The following CHEK1 variants were observed in gnomAD, a reference collection of about 807,000 sequenced individuals.
CHEK1 encodes checkpoint kinase 1.
Under a neutral mutation model 60.2 loss-of-function variants are expected in CHEK1, and 32 were observed. That is an observed-to-expected ratio of 0.53 (90% CI 0.40 to 0.71). The LOEUF (loss-of-function observed/expected upper bound fraction) is 0.71. Ranked by LOEUF, CHEK1 falls within the 30% of genes least tolerant of loss-of-function variation. The pLI is 0.00. For synonymous variants in CHEK1, 179 were observed against 187.2 expected (o/e 0.96, Z 0.36); for missense variants, 399 against 564.6 (o/e 0.71, Z 2.97).
In CHEK1 at chr11:125,629,270, T is replaced by G; in HGVS notation, c.328T>G (p.Phe110Val). Residue 110 changes from phenylalanine to valine, a missense_variant, in exon 4 of 13, where the codon TTC (phenylalanine) becomes GTC (valine). Around this residue, in one of 2 missense-constraint regions of CHEK1, gnomAD observed 370 missense variants for 494.8 expected, o/e 0.75. Transcript: ENST00000438015. ...IGMPEPDAQRFFHQLMAGVVY... is the reference protein window; with the variant it reads ...IGMPEPDAQRVFHQLMAGVVY... ...CATGCCTGAACCAGATGCTCAGAGA[T>G]TCTTCCATCAACTCATGGCAGGGGT... 1 of 1,614,160 alleles carries G rather than the reference T, an allele frequency of 6.2e-7. No homozygotes were observed. Among genetic ancestry groups the G allele is most frequent in the Non-Finnish European group, 8.5e-7 (1 of 1,180,026 alleles).
intron 7 of CHEK1, 138 bp downstream of exon 7, chr11:125,635,671 A>G: frequency 1.9e-6 from 1 of 535,682 alleles, no homozygotes; most frequent in South Asian, 3.2e-5. Context: ...TAGTAACTAT[A>G]AGTAAAAAAT....
At chr11:125,634,839 C>A (rs2135995276) in intron 6 of CHEK1, among the ~76,000 whole-genome samples, 1 of 152,098 alleles carries the variant, frequency 6.6e-6, no homozygotes, top group Non-Finnish European at 1.5e-5. Flanking sequence ...ATTTATAATC[C>A]CAAAGATTTT....
At position 125,656,301 on chromosome 11, in the gene CHEK1, T is replaced by G; in HGVS notation, c.*981T>G. The stretch of plus-strand genomic sequence containing the variant: ...GGAAGTTTGAGGCTGTAGTGAGCTA[T>G]GATTGCACCAGTGCACTCCAGCTTG... On this transcript the variant is annotated 3_prime_UTR_variant, in exon 13 of 13. Transcript: ENST00000438015. The G allele has an allele frequency of 4.7e-6, 1 of 213,036 alleles. No individual in the cohort carries two copies. The allele number at this position is 213,036 out of a possible 1,614,324, so 13.2% of individuals were successfully genotyped here.
At chr11:125,631,451 C>T (rs557278708) in intron 5 of CHEK1, among the ~76,000 whole-genome samples, 47 of 152,106 alleles carry the variant, frequency 3.1e-4, no homozygotes, top group African/African-American at 1.1e-3. Flanking sequence ...TATTATGTTG[C>T]AGACATAACA....
At chr11:125,662,313 T>C (rs1942032404) in intron 13 of CHEK1, among the ~76,000 whole-genome samples, 1 of 149,876 alleles carries the variant, frequency 6.7e-6, no homozygotes, top group African/African-American at 2.5e-5. Flanking sequence ...AAAGCAGCTC[T>C]TTAGGGCCTC....
chr11:125,657,187 TTGTGTGTG>T (rs3831425), downstream of CHEK1: 5 of 147,136 alleles, frequency 3.4e-5, no homozygotes, highest in South Asian at 2.3e-4. Flanking sequence ...CAACCTATGC[TTGTGTGTG>T]TGTGTGTGTG....
chr11:125,665,926 T>C (rs1396007262), intron 13 of CHEK1, among the ~76,000 whole-genome samples: 2 of 149,432 alleles, frequency 1.3e-5, no homozygotes, highest in Admixed American at 1.3e-4. Context: ...TGAATCTTGT[T>C]GATCTTTTCC....
chr11:125,638,618 G>A lies in CHEK1; in HGVS notation c.814+1074G>A, dbSNP rs1022719737. ...CTGAGGACACTGCTTCCTCTGAAGC[G>A]GTAGGTGTTTTCTTTCCCATACCCT... is the stretch of plus-strand genomic sequence containing the variant. On this transcript the variant is annotated intron_variant, in intron 8 of 12. Transcript: ENST00000438015. 4.6e-5 allele frequency among the ~76,000 whole-genome samples: 7 copies of A among 152,188 alleles called. No homozygotes were observed. In the East Asian group the frequency reaches 9.7e-4, roughly 21 times the overall value.
chr11:125,668,460 G>A (rs1942138095), intron 13 of CHEK1, among the ~76,000 whole-genome samples: 1 of 151,844 alleles, frequency 6.6e-6, no homozygotes, highest in Non-Finnish European at 1.5e-5. Flanking sequence ...CATTTTTTTT[G>A]TTTAACATTT....
chr11:125,662,011 T>G (rs1942027400), downstream of CHEK1, among the ~76,000 whole-genome samples: 1 of 152,142 alleles, frequency 6.6e-6, no homozygotes, highest in African/African-American at 2.4e-5. Context: ...GCACCAGAAT[T>G]CCTCATGATA....
intron 11 of CHEK1, among the ~76,000 whole-genome samples, chr11:125,645,180 A>C (rs1941454418): frequency 6.6e-6 from 1 of 152,122 alleles, no homozygotes; most frequent in South Asian, 2.1e-4. Flanking sequence ...TTCTTAAAAG[A>C]CCTTTTTATT....
downstream of CHEK1, among the ~76,000 whole-genome samples, chr11:125,657,357 T>C (rs1237197730): frequency 1.3e-5 from 2 of 152,106 alleles, no homozygotes; most frequent in Non-Finnish European, 2.9e-5. Context: ...TACACTTCAA[T>C]GTGCAGTTGT....
At chr11:125,666,060 C>A (rs1248983562) in intron 13 of CHEK1, among the ~76,000 whole-genome samples, 2 of 149,464 alleles carry the variant, frequency 1.3e-5, no homozygotes, top group Non-Finnish European at 3.0e-5. Flanking sequence ...AAATTTGGTT[C>A]TTTGTTTTAG....
rs112837504 is a variant in CHEK1 at position 125,635,421 on chromosome 11, G to A, written c.614-8G>A. On this transcript the variant is annotated splice_region_variant and splice_polypyrimidine_tract_variant and intron_variant, in intron 6 of 12. Coordinates refer to ENST00000438015, the MANE Select transcript of CHEK1 (RefSeq NM_001114122.3). ...ATTTAAAAAAACTGGGACTTGCTTTGTTTTTAGAATTGCCATGGGACCAAC... is the reference window on the plus strand; with the variant it reads ...ATTTAAAAAAACTGGGACTTGCTTTATTTTTAGAATTGCCATGGGACCAAC... 38 of 1,526,134 alleles carry A rather than the reference G, an allele frequency of 2.5e-5. No homozygotes were observed. The African/African-American group carries it at 5.3e-4, about 21-fold the overall frequency. The allele number at this position is 1,526,134 out of a possible 1,614,324, so 94.5% of individuals were successfully genotyped here. A position where few individuals can be genotyped will look rare whatever the true frequency, so the allele number is the denominator to read the frequency against.
intron 6 of CHEK1, among the ~76,000 whole-genome samples, chr11:125,634,088 C>T (rs907154855): frequency 2.7e-5 from 4 of 150,098 alleles, no homozygotes; most frequent in African/African-American, 4.9e-5. Context: ...ACCTCTGCCT[C>T]CCAGGTTCTA....
intron 13 of CHEK1, among the ~76,000 whole-genome samples, chr11:125,663,376 T>G (rs1332774311): frequency 6.6e-6 from 1 of 152,178 alleles, no homozygotes; most frequent in African/African-American, 2.4e-5. Context: ...TTCGTATAGG[T>G]GTGAACCTTA....
chr11:125,669,068 C>T (rs1427477930), intron 13 of CHEK1, among the ~76,000 whole-genome samples: 1 of 152,046 alleles, frequency 6.6e-6, no homozygotes, highest in Non-Finnish European at 1.5e-5. Flanking sequence ...AAAGTCTGTG[C>T]AGGCATGGCT....
chr11:125,655,703 G>A lies in CHEK1; in HGVS notation c.*383G>A, dbSNP rs1165988339. ...ATTCAAAAAGTACATATTCCATGTTGATTTAATTCTAAGATGAACCAATAA... is the reference window on the plus strand; with the variant it reads ...ATTCAAAAAGTACATATTCCATGTTAATTTAATTCTAAGATGAACCAATAA... On this transcript the variant is annotated 3_prime_UTR_variant, in exon 13 of 13. Transcript: ENST00000438015. 4.6e-6 allele frequency: 1 copy of A among 218,260 alleles called. No homozygotes were observed. The highest frequency in any genetic ancestry group is 9.1e-6 in the Non-Finnish European group (1 of 109,922). The allele number at this position is 218,260 out of a possible 1,614,324, so 13.5% of individuals were successfully genotyped here.
At chr11:125,645,308 C>G (rs1941461087) in intron 11 of CHEK1, among the ~76,000 whole-genome samples, 1 of 152,130 alleles carries the variant, frequency 6.6e-6, no homozygotes, top group Non-Finnish European at 1.5e-5. Flanking sequence ...AGCAATCCCA[C>G]ACTTTCTCCC....
Sources: gnomAD v4.1 joint callset for allele counts (sites outside exome capture counted in the v4.1 genomes callset) on GRCh38, gnomAD v4.1.1 for gene constraint, gnomAD v4.1.1 regional missense constraint, MANE v1.5 for transcripts, NCBI Gene and HGNC (gene_info 2026-07-23, HGNC 2026-07-21) for gene names.